Variants in NRG1 observed in about 807,000 individuals in gnomAD.
The protein encoded by NRG1 is neuregulin 1.
NRG1 carries 18 observed loss-of-function variants against 63.8 expected under a neutral mutation model. That is an observed-to-expected ratio of 0.28 (90% CI 0.19 to 0.42). NRG1 has a LOEUF of 0.42. Ranked by LOEUF, NRG1 falls within the 10% of genes least tolerant of loss-of-function variation. The pLI is 1.00. For synonymous variants in NRG1, 302 were observed against 301.3 expected (o/e 1.00, Z -0.02); for missense variants, 762 against 814.7 (o/e 0.94, Z 0.79).
chr8:32,045,575 A>G (rs924186445), intron 1 of NRG1, among the ~76,000 whole-genome samples: 1 of 151,986 alleles, frequency 6.6e-6, no homozygotes, highest in Non-Finnish European at 1.5e-5. Context: ...AGAATTATTA[A>G]AAAGCTTCAG....
chr8:32,770,859 C>T (rs1472863778), downstream of NRG1, among the ~76,000 whole-genome samples: 7 of 152,274 alleles, frequency 4.6e-5, no homozygotes, highest in Middle Eastern at 3.4e-3. Flanking sequence ...TAACACATAG[C>T]GAGTATTCAA....
chr8:32,166,205 G>A (rs568619526), intron 1 of NRG1, among the ~76,000 whole-genome samples: 64 of 152,226 alleles, frequency 4.2e-4, no homozygotes, highest in African/African-American at 1.5e-3. Flanking sequence ...TTAGAGAAGG[G>A]TAGAGAATGA....
At chr8:31,859,033 T>A (rs568753969) in intron 1 of NRG1, among the ~76,000 whole-genome samples, 1 of 152,206 alleles carries the variant, frequency 6.6e-6, no homozygotes, top group Non-Finnish European at 1.5e-5. Context: ...ACAAACTTAT[T>A]TCTCATTGGC....
chr8:32,154,904 A>G (rs927210245), intron 1 of NRG1, among the ~76,000 whole-genome samples: 2 of 152,236 alleles, frequency 1.3e-5, no homozygotes, highest in Non-Finnish European at 2.9e-5. Flanking sequence ...ACAGAGCAAG[A>G]ACATAATTAT....
intron 5 of NRG1, among the ~76,000 whole-genome samples, chr8:32,687,815 T>C (rs7012325): frequency 0.076 from 11,560 of 152,296 alleles, 970 homozygotes; most frequent in African/African-American, 0.21. Flanking sequence ...AACATTTTTA[T>C]TAAAATGTGT....
intron 1 of NRG1, among the ~76,000 whole-genome samples, chr8:32,032,350 A>G (rs1818392034): frequency 6.6e-6 from 1 of 151,568 alleles, no homozygotes; most frequent in African/African-American, 2.4e-5. Flanking sequence ...CGCAATCTCC[A>G]CCTTCCAGCT....
chr8:32,229,669 C>T (rs1383970), intron 1 of NRG1, among the ~76,000 whole-genome samples: 112,591 of 151,980 alleles, frequency 0.74, 42,822 homozygotes, highest in African/African-American at 0.9. Context: ...ATGCGGAAAA[C>T]GCTGCCAAGA....
chr8:31,957,009 AG>A (rs1429284736), intron 1 of NRG1, among the ~76,000 whole-genome samples: 3 of 152,070 alleles, frequency 2.0e-5, no homozygotes, highest in African/African-American at 7.2e-5. Flanking sequence ...GGTGAAATAG[AG>A]GGGGAAAAAA....
intron 1 of NRG1, among the ~76,000 whole-genome samples, chr8:32,376,176 A>G (rs1231222393): frequency 6.6e-6 from 1 of 152,228 alleles, no homozygotes; most frequent in East Asian, 1.9e-4. Context: ...GAACCAAGCT[A>G]AAAGGTAAAT....
At chr8:32,253,256 G>C (rs1849326972) in intron 1 of NRG1, among the ~76,000 whole-genome samples, 1 of 152,136 alleles carries the variant, frequency 6.6e-6, no homozygotes. Context: ...GTGACAGAGG[G>C]CATCCTTGTC....
intron 1 of NRG1, among the ~76,000 whole-genome samples, chr8:31,736,350 G>T (rs1814660944): frequency 6.6e-6 from 1 of 152,028 alleles, no homozygotes; most frequent in African/African-American, 2.4e-5. Context: ...TGACTTCCCT[G>T]CATGAGCTAG....
intron 1 of NRG1, among the ~76,000 whole-genome samples, chr8:31,875,796 G>A (rs538204022): frequency 6.6e-6 from 1 of 152,112 alleles, no homozygotes; most frequent in Admixed American, 6.6e-5. Flanking sequence ...TTCATCTGAA[G>A]GCAAGTAACT....
At chr8:31,881,477 A>C (rs967612528) in intron 1 of NRG1, among the ~76,000 whole-genome samples, 16 of 152,144 alleles carry the variant, frequency 1.1e-4, no homozygotes, top group Admixed American at 1.0e-3. Context: ...ATAATACTGA[A>C]ATTAGGCAAA....
intron 5 of NRG1, among the ~76,000 whole-genome samples, chr8:32,705,074 A>G (rs1815998065): frequency 6.6e-6 from 1 of 152,078 alleles, no homozygotes; most frequent in Non-Finnish European, 1.5e-5. Context: ...TTTTAAAACT[A>G]TATTTAATAA....
chr8:32,534,002 C>G (rs944572694), intron 1 of NRG1, among the ~76,000 whole-genome samples: 1 of 151,972 alleles, frequency 6.6e-6, no homozygotes, highest in African/African-American at 2.4e-5. Context: ...GGAAATAGAA[C>G]TGTAATTTTG....
intron 1 of NRG1, among the ~76,000 whole-genome samples, chr8:31,862,937 T>C (rs1320288730): frequency 6.6e-6 from 1 of 152,220 alleles, no homozygotes; most frequent in Non-Finnish European, 1.5e-5. Flanking sequence ...TGTTGTCTAT[T>C]ATATCTGCAC....
chr8:32,649,658 T>C (rs931009166), intron 5 of NRG1, among the ~76,000 whole-genome samples: 1 of 152,210 alleles, frequency 6.6e-6, no homozygotes, highest in Non-Finnish European at 1.5e-5. Context: ...ACTTGATTTG[T>C]GCTTGTAACT....
At chr8:32,702,096 T>C (rs1815046143) in intron 5 of NRG1, among the ~76,000 whole-genome samples, 1 of 152,202 alleles carries the variant, frequency 6.6e-6, no homozygotes, top group South Asian at 2.1e-4. Context: ...ATGGAAAATC[T>C]TTGAATTCTT....
intron 1 of NRG1, among the ~76,000 whole-genome samples, chr8:32,346,131 A>AAATTATATACCTATAAATTATATATAT (rs1191464953): frequency 4.7e-5 from 7 of 147,514 alleles, no homozygotes; most frequent in African/African-American, 1.2e-4. Context: ...ATATTTATAT[A>AAATTATATACCTATAAATTATATATAT]AATTATATAC....
Sources: gnomAD v4.1 joint callset for allele counts (sites outside exome capture counted in the v4.1 genomes callset) on GRCh38, gnomAD v4.1.1 for gene constraint, MANE v1.5 for transcripts, NCBI Gene and HGNC (gene_info 2026-07-23, HGNC 2026-07-21) for gene names.